Variants in MYOF observed in about 807,000 individuals in gnomAD.
The protein encoded by MYOF is fer-1-like 3, myoferlin.
Under a neutral mutation model 284.2 loss-of-function variants are expected in MYOF, and 244 were observed. The ratio of observed to expected loss-of-function variants is 0.86; its 90% CI spans 0.77 to 0.95. The LOEUF is 0.95. MYOF is among the 40% of genes least tolerant of loss of function. The probability of loss-of-function intolerance (pLI) is 0.00; values close to 1 mark genes in which losing one functional copy is unlikely to be tolerated. For missense variants in MYOF, 2,496 were observed against 2,560.6 expected, an observed-to-expected ratio of 0.97 and a Z score of 0.54; for synonymous variants, 904 against 919.7, an observed-to-expected ratio of 0.98 and a Z score of 0.31.
chr10:93,322,324 T>C (rs1842876839), intron 48 of MYOF, among the ~76,000 whole-genome samples: 1 of 152,210 alleles, frequency 6.6e-6, no homozygotes, highest in African/African-American at 2.4e-5. Flanking sequence ...GGCACTGTCC[T>C]AAATGCTTTG....
chr10:93,416,397 G>T (rs1274486752), intron 5 of MYOF, among the ~76,000 whole-genome samples: 1 of 151,822 alleles, frequency 6.6e-6, no homozygotes. Context: ...GGTGGCAGGC[G>T]CCTGTAATCC....
chr10:93,401,733 A>G (rs1847301869), intron 11 of MYOF, among the ~76,000 whole-genome samples, 189 bp from the exon 12 acceptor site: 2 of 152,046 alleles, frequency 1.3e-5, no homozygotes, highest in Non-Finnish European at 2.9e-5. Flanking sequence ...CACAAAATCA[A>G]TGCTCATGTT....
chr10:93,422,888 T>C (rs1201601611), intron 5 of MYOF, among the ~76,000 whole-genome samples: 1 of 152,188 alleles, frequency 6.6e-6, no homozygotes, highest in African/African-American at 2.4e-5. Flanking sequence ...AGTTTACTCT[T>C]TTTACTTGAA....
chr10:93,310,439 A>T (rs1842329354), intron 52 of MYOF, 95 bp downstream of exon 52: 1 of 1,256,142 alleles, frequency 8.0e-7, no homozygotes, highest in Admixed American at 2.1e-5. Flanking sequence ...GATTAGGAGG[A>T]CCACAAAAGC....
intron 10 of MYOF, 74 bp downstream of exon 10, chr10:93,402,786 G>T: frequency 2.2e-6 from 3 of 1,388,306 alleles, no homozygotes; most frequent in South Asian, 2.6e-5. Context: ...AAATTGTCTT[G>T]ATTCTTAGAA....
intron 4 of MYOF, among the ~76,000 whole-genome samples, chr10:93,430,740 C>T (rs1014644887): frequency 6.6e-6 from 1 of 152,156 alleles, no homozygotes; most frequent in African/African-American, 2.4e-5. Context: ...CACAGAGCTA[C>T]ACCTAGAGGG....
chr10:93,439,425 T>G (rs2056177239), intron 3 of MYOF, among the ~76,000 whole-genome samples: 2 of 152,128 alleles, frequency 1.3e-5, no homozygotes, highest in Admixed American at 1.3e-4. Flanking sequence ...TTCAGTGGAG[T>G]TCCGATGCTC....
chr10:93,399,372 C>T lies in MYOF; in HGVS notation c.1221+20G>A, dbSNP rs370893558. ...AGATATTTATTACTAGCAGCATCTGCATTTAGATCATGTACAAACCTTTTT... is the reference window on the plus strand; with the variant it reads ...AGATATTTATTACTAGCAGCATCTGTATTTAGATCATGTACAAACCTTTTT... On this transcript the variant is annotated intron_variant, in intron 13 of 53. Transcript: ENST00000359263. 42 of 1,544,098 alleles carry T rather than the reference C, an allele frequency of 2.7e-5. No individual in the cohort carries two copies. Among genetic ancestry groups the T allele is most frequent in the Non-Finnish European group, 3.6e-5 (40 of 1,120,180 alleles).
intron 5 of MYOF, among the ~76,000 whole-genome samples, chr10:93,423,563 G>A (rs531859971): frequency 2.2e-5 from 3 of 139,516 alleles, no homozygotes; most frequent in Non-Finnish European, 3.0e-5. Flanking sequence ...GCCGAGTGCA[G>A]TGGTTTACGC....
In MYOF at chr10:93,400,303, T is replaced by C. The variant is rs542094654; in HGVS notation, c.1118-808A>G. Among the ~76,000 whole-genome samples, 11 of 150,582 alleles carry C rather than the reference T, an allele frequency of 7.3e-5. No homozygotes were observed. The East Asian group carries it at 1.4e-3, about 19-fold the overall frequency. On this transcript the variant is annotated intron_variant, in intron 12 of 53. Coordinates refer to ENST00000359263, the MANE Select transcript of MYOF (RefSeq NM_013451.4). ...CAGGATTTTAATTTACCTTATTTTA[T>C]GTATTTCTTTCTTCTTCTTCTTCTT...
chr10:93,357,368 G>A (rs1447755241), intron 29 of MYOF, among the ~76,000 whole-genome samples: 1 of 152,154 alleles, frequency 6.6e-6, no homozygotes, highest in East Asian at 1.9e-4. Flanking sequence ...AAATTCGTGT[G>A]GTACTTTTTA....
chr10:93,375,601 G>A (rs1159799401), intron 22 of MYOF, among the ~76,000 whole-genome samples: 1 of 152,318 alleles, frequency 6.6e-6, no homozygotes, highest in East Asian at 1.9e-4. Flanking sequence ...TCAAATGTGG[G>A]ACATGCTTTT....
chr10:93,383,882 C>G (rs969069871), intron 19 of MYOF, among the ~76,000 whole-genome samples: 1 of 152,120 alleles, frequency 6.6e-6, no homozygotes, highest in African/African-American at 2.4e-5. Context: ...ATGATACTCC[C>G]AGCTGGGCCG....
rs571780396 is a variant in MYOF at position 93,328,655 on chromosome 10, T to C, written c.5131+108A>G. 5.8e-4 allele frequency: 664 copies of C among 1,154,676 alleles called. No individual in the cohort carries two copies. The highest frequency in any genetic ancestry group is 7.6e-4 in the Non-Finnish European group (616 of 812,562). 71.5% of individuals were successfully genotyped at this position (1,154,676 alleles called of 1,614,324 possible). On this transcript the variant is annotated intron_variant, in intron 45 of 53. Transcript: ENST00000359263. The stretch of plus-strand genomic sequence containing the variant: ...TGTTAGTGTCACGTGCACAGTCTCA[T>C]GTGGTATAATTAGGGTACTGGCTCT...
intron 38 of MYOF, chr10:93,341,826 A>T (rs1308566025): frequency 1.1e-6 from 1 of 890,362 alleles, no homozygotes; most frequent in Non-Finnish European, 1.6e-6. Flanking sequence ...AAATCTACTA[A>T]TGGAAAGAGT....
At chr10:93,425,342 GC>G (rs1230089449) in intron 5 of MYOF, among the ~76,000 whole-genome samples, 1 of 152,036 alleles carries the variant, frequency 6.6e-6, no homozygotes. Flanking sequence ...GCATCTTACG[GC>G]TGAGGAAGGG....
intron 49 of MYOF, 85 bp from the exon 50 acceptor site, chr10:93,316,898 C>T: frequency 9.3e-7 from 1 of 1,075,136 alleles, no homozygotes; most frequent in South Asian, 1.3e-5. Context: ...TGGGGCCTTT[C>T]TCTCCTTTGC....
At chr10:93,471,247 C>T (rs2057139813) in intron 1 of MYOF, among the ~76,000 whole-genome samples, 1 of 152,140 alleles carries the variant, frequency 6.6e-6, no homozygotes, top group Admixed American at 6.5e-5. Flanking sequence ...GCTTCTGAGT[C>T]ACAGCATGTC....
At chr10:93,362,483 G>A (rs1000758230) in intron 27 of MYOF, among the ~76,000 whole-genome samples, 9 of 152,014 alleles carry the variant, frequency 5.9e-5, no homozygotes, top group African/African-American at 2.2e-4. Flanking sequence ...GACCTTCAGC[G>A]ATCCACCCAC....
Sources: gnomAD v4.1 joint callset for allele counts (sites outside exome capture counted in the v4.1 genomes callset) on GRCh38, gnomAD v4.1.1 for gene constraint, MANE v1.5 for transcripts, NCBI Gene and HGNC (gene_info 2026-07-23, HGNC 2026-07-21) for gene names.